The following GAS5 variants were observed in gnomAD, a reference collection of about 807,000 sequenced individuals.
GAS5 encodes growth arrest specific 5.
chr1:173,867,144 A>T, upstream of GAS5: 1 of 602,412 alleles, frequency 1.7e-6, no homozygotes, highest in Non-Finnish European at 2.9e-6. Flanking sequence ...CCAATGATGC[A>T]GGTAACATAC....
At chr1:173,866,357 C>A (rs201898341) in intron 3 of GAS5, 1 of 527,584 alleles carries the variant, frequency 1.9e-6, no homozygotes, top group East Asian at 5.3e-5. Flanking sequence ...AACTATGCAA[C>A]CATCATAGTA....
chr1:173,865,468 T>C (rs1016767712), intron 6 of GAS5: 2 of 508,488 alleles, frequency 3.9e-6, no homozygotes, highest in Admixed American at 2.0e-5. Flanking sequence ...ATAAAACATG[T>C]ACCTTTAAAA....
intron 6 of GAS5, chr1:173,865,222 G>A (rs1654382847): frequency 2.8e-6 from 1 of 352,190 alleles, no homozygotes; most frequent in Non-Finnish European, 5.5e-6. Flanking sequence ...ACTTGGAACT[G>A]CTATACCTTT....
chr1:173,866,549 T>C (rs1298432302), exon 3 of GAS5: 10 of 742,144 alleles, frequency 1.3e-5, no homozygotes, highest in African/African-American at 6.8e-5. Flanking sequence ...TGGCTTGAGT[T>C]AGGCTTGCTC....
At chr1:173,864,203 T>C in intron 7 of GAS5, 1 of 518,420 alleles carries the variant, frequency 1.9e-6, no homozygotes, top group Non-Finnish European at 3.9e-6. Flanking sequence ...CAAGTTGGAT[T>C]GAGATCATCA....
chr1:173,863,946 C>G (rs181225483), intron 7 of GAS5: 2 of 279,392 alleles, frequency 7.2e-6, no homozygotes, highest in African/African-American at 4.4e-5. Flanking sequence ...TTTTAATCTT[C>G]TTGTGCCATG....
chr1:173,867,950 T>C (rs577149982), upstream of GAS5: 9 of 359,308 alleles, frequency 2.5e-5, no homozygotes, highest in African/African-American at 6.4e-5. Context: ...TTCGCAAAGA[T>C]AAAACATACC....
At chr1:173,868,823 C>T (rs1016752600), upstream of GAS5, 2 of 153,352 alleles carry the variant, frequency 1.3e-5, no homozygotes, top group African/African-American at 2.4e-5. Flanking sequence ...ACATTTTGCC[C>T]TTTAGCCAGT....
chr1:173,866,539 T>C (rs1654687663), exon 3 of GAS5: 1 of 730,584 alleles, frequency 1.4e-6, no homozygotes, highest in Non-Finnish European at 2.5e-6. Context: ...TGTGTGCCAA[T>C]GGCTTGAGTT....
At chr1:173,868,127 C>T (rs1046579570), upstream of GAS5, 4 of 157,770 alleles carry the variant, frequency 2.5e-5, no homozygotes, top group African/African-American at 9.6e-5. Flanking sequence ...TTCTTCCCAC[C>T]CCTTAAGTCC....
At chr1:173,866,242 T>C (rs1385576664) in intron 3 of GAS5, 1 of 486,734 alleles carries the variant, frequency 2.1e-6, no homozygotes, top group African/African-American at 2.0e-5. Flanking sequence ...GCAAAAAATA[T>C]TTTAATGGTA....
upstream of GAS5, chr1:173,867,722 C>T (rs1393312349): frequency 3.9e-6 from 2 of 519,128 alleles, no homozygotes; most frequent in Admixed American, 1.9e-5. Context: ...ATGTCCCTAC[C>T]AACACAGGCT....
upstream of GAS5, chr1:173,867,791 G>A (rs1396037204): frequency 1.3e-5 from 7 of 518,756 alleles, no homozygotes; most frequent in Non-Finnish European, 2.7e-5. Flanking sequence ...TAACATAGTC[G>A]CAGCTTAGGT....
At chr1:173,867,187 C>T (rs1654861781), upstream of GAS5, 1 of 565,762 alleles carries the variant, frequency 1.8e-6, no homozygotes, top group Non-Finnish European at 3.1e-6. Context: ...AAAGGATACA[C>T]TTAATGTTAC....
chr1:173,866,856 A>G (rs192830163), intron 1 of GAS5: 1 of 765,524 alleles, frequency 1.3e-6, no homozygotes, highest in Admixed American at 1.7e-5. Flanking sequence ...AGTCACGTTA[A>G]ATATAAATGC....
At chr1:173,865,087 T>C in intron 6 of GAS5, 2 of 347,232 alleles carry the variant, frequency 5.8e-6, no homozygotes, top group South Asian at 4.4e-5. Flanking sequence ...TAATCCCAGC[T>C]ACTCAAGAGG....
intron 3 of GAS5, chr1:173,866,341 C>T (rs372313381): frequency 1.9e-6 from 1 of 523,246 alleles, no homozygotes; most frequent in African/African-American, 1.9e-5. Flanking sequence ...ATGATTAAAT[C>T]TGCTGAACTA....
At chr1:173,867,794 G>C (rs754361281), upstream of GAS5, 1 of 518,890 alleles carries the variant, frequency 1.9e-6, no homozygotes, top group East Asian at 5.5e-5. Flanking sequence ...CATAGTCGCA[G>C]CTTAGGTCAC....
At chr1:173,865,955 A>G (rs987315187) in intron 4 of GAS5, 3 of 519,094 alleles carry the variant, frequency 5.8e-6, no homozygotes, top group African/African-American at 5.8e-5. Context: ...TGCCAAAACT[A>G]ACAAATGCCT....
Sources: gnomAD v4.1 joint callset for allele counts on GRCh38, gnomAD v4.1.1 for gene constraint, MANE v1.5 for transcripts, NCBI Gene and HGNC (gene_info 2026-07-23, HGNC 2026-07-21) for gene names.